Variants in LOC400499 observed in about 807,000 individuals in gnomAD.
the LOC400499 span, among the ~76,000 whole-genome samples, chr16:11,490,825 C>G: frequency 6.6e-6 from 1 of 152,288 alleles, no homozygotes; most frequent in East Asian, 1.9e-4. Flanking sequence ...ATGTAATACA[C>G]AGGAGAACTG....
At chr16:11,397,664 G>T in the LOC400499 span, among the ~76,000 whole-genome samples, 2 of 151,682 alleles carry the variant, frequency 1.3e-5, no homozygotes, top group African/African-American at 4.8e-5. Context: ...TTGGTTGTTG[G>T]AACAGAGACT....
chr16:11,507,051 G>A, the LOC400499 span, among the ~76,000 whole-genome samples: 5 of 152,160 alleles, frequency 3.3e-5, no homozygotes, highest in South Asian at 2.1e-4. Context: ...GGCTAGCACC[G>A]CCAGCGTCCA....
chr16:11,407,375 T>C, the LOC400499 span: 91 of 396,208 alleles, frequency 2.3e-4, no homozygotes, highest in African/African-American at 1.7e-3. Context: ...CAAAACACGA[T>C]AAAGCTCCTC....
At chr16:11,394,273 G>A in the LOC400499 span, among the ~76,000 whole-genome samples, 5 of 152,346 alleles carry the variant, frequency 3.3e-5, no homozygotes, top group South Asian at 2.1e-4. Context: ...CAGGGACCAG[G>A]ACAGGCGAGT....
At chr16:11,481,664 G>A in the LOC400499 span, among the ~76,000 whole-genome samples, 4 of 150,694 alleles carry the variant, frequency 2.7e-5, no homozygotes, top group East Asian at 7.9e-4. Flanking sequence ...ACGGAGTCTT[G>A]CTCTGTCACT....
At chr16:11,414,455 T>C in the LOC400499 span, 298,812 of 400,188 alleles carry the variant, frequency 0.75, 113,035 homozygotes, top group African/African-American at 0.9. Flanking sequence ...GCCAGGTCCA[T>C]GCTGACTCCA....
the LOC400499 span, among the ~76,000 whole-genome samples, chr16:11,490,949 G>A: frequency 2.0e-5 from 3 of 152,166 alleles, no homozygotes; most frequent in South Asian, 2.1e-4. Flanking sequence ...CAGCTACACT[G>A]CATTAATAAT....
the LOC400499 span, among the ~76,000 whole-genome samples, chr16:11,428,659 T>C: frequency 2.2e-4 from 34 of 152,184 alleles, no homozygotes; most frequent in African/African-American, 4.8e-4. Context: ...AAGGTCTTTA[T>C]GACCTGTATC....
the LOC400499 span, chr16:11,460,407 G>C: frequency 1.4e-6 from 2 of 1,440,726 alleles, no homozygotes; most frequent in South Asian, 1.4e-5. Flanking sequence ...GATGAGTTCA[G>C]GGTACTCAGA....
At chr16:11,455,318 A>G in the LOC400499 span, among the ~76,000 whole-genome samples, 6 of 152,326 alleles carry the variant, frequency 3.9e-5, no homozygotes, top group Admixed American at 2.6e-4. Flanking sequence ...TAAGAAACCT[A>G]TGGAGAAGGC....
the LOC400499 span, among the ~76,000 whole-genome samples, chr16:11,506,794 A>C: frequency 6.6e-6 from 1 of 151,960 alleles, no homozygotes; most frequent in Non-Finnish European, 1.5e-5. Flanking sequence ...GCCCACCATC[A>C]ATGGGGAGGG....
At chr16:11,474,296 C>T in the LOC400499 span, among the ~76,000 whole-genome samples, 6 of 152,162 alleles carry the variant, frequency 3.9e-5, no homozygotes, top group African/African-American at 1.4e-4. Flanking sequence ...TATTTCTGGA[C>T]ACTGAAATTT....
the LOC400499 span, chr16:11,508,629 G>A: frequency 2.5e-6 from 1 of 397,620 alleles, no homozygotes; most frequent in African/African-American, 2.1e-5. Context: ...CTGAGAGGAT[G>A]GGCCAGGATA....
chr16:11,439,279 A>G, the LOC400499 span, among the ~76,000 whole-genome samples: 1 of 152,188 alleles, frequency 6.6e-6, no homozygotes, highest in Non-Finnish European at 1.5e-5. Context: ...AGCCTGGACC[A>G]TCACTTCCAA....
At chr16:11,405,087 A>G in the LOC400499 span, among the ~76,000 whole-genome samples, 14 of 152,198 alleles carry the variant, frequency 9.2e-5, no homozygotes, top group African/African-American at 3.1e-4. Context: ...GGCCAACAGG[A>G]GACAGCACAG....
the LOC400499 span, among the ~76,000 whole-genome samples, chr16:11,437,802 G>T: frequency 6.6e-6 from 1 of 152,200 alleles, no homozygotes; most frequent in Non-Finnish European, 1.5e-5. Context: ...CTGGGAGGCA[G>T]AGGTTGCAGT....
chr16:11,522,127 G>T, the LOC400499 span: 3 of 398,848 alleles, frequency 7.5e-6, no homozygotes, highest in South Asian at 1.3e-4. Context: ...AGGGCAGAGA[G>T]AGAGACAGCA....
chr16:11,431,678 T>C, the LOC400499 span, among the ~76,000 whole-genome samples: 1 of 152,192 alleles, frequency 6.6e-6, no homozygotes, highest in Admixed American at 6.5e-5. Context: ...AGTGCTGGGA[T>C]TACAGGCATG....
the LOC400499 span, chr16:11,457,053 A>G: frequency 6.7e-7 from 1 of 1,503,614 alleles, no homozygotes; most frequent in South Asian, 1.3e-5. Context: ...GAGAATGCCC[A>G]CCCCCCCAAG....
Sources: gnomAD v4.1 joint callset for allele counts (sites outside exome capture counted in the v4.1 genomes callset) on GRCh38, gnomAD v4.1.1 for gene constraint, MANE v1.5 for transcripts.